The following ITPRID1 variants were observed in gnomAD, a reference collection of about 807,000 sequenced individuals.
ITPRID1 encodes the protein protein ITPRID1.
Under a neutral mutation model 95.4 loss-of-function variants are expected in ITPRID1, and 96 were observed. That is an observed-to-expected ratio of 1.01 (90% CI 0.85 to 1.19). ITPRID1 has a LOEUF of 1.19. Ranked by LOEUF, ITPRID1 falls within the 50% of genes most tolerant of loss-of-function variation. ITPRID1 has a pLI of 0.00. For synonymous variants in ITPRID1, 510 were observed against 453.6 expected (o/e 1.12, Z -1.58); for missense variants, 1,339 against 1,252.9 (o/e 1.07, Z -1.04).
intron 10 of ITPRID1, among the ~76,000 whole-genome samples, chr7:31,636,159 A>G (rs1428658553): frequency 6.6e-6 from 1 of 152,106 alleles, no homozygotes; most frequent in African/African-American, 2.4e-5. Context: ...AACCGCCCCC[A>G]TAATTCAATT....
At chr7:31,658,268 T>C (rs1197095679), downstream of ITPRID1, 74 of 1,503,038 alleles carry the variant, frequency 4.9e-5, no homozygotes, top group Admixed American at 7.8e-4. Flanking sequence ...TATTCTCTTA[T>C]AGGTGAATTA....
At chr7:31,607,332 A>T (rs1212883229) in intron 10 of ITPRID1, among the ~76,000 whole-genome samples, 1 of 152,170 alleles carries the variant, frequency 6.6e-6, no homozygotes, top group Non-Finnish European at 1.5e-5. Context: ...TTTCGCTTTG[A>T]TGCCAGACTG....
intron 10 of ITPRID1, among the ~76,000 whole-genome samples, chr7:31,588,258 G>C (rs1383004500): frequency 6.6e-6 from 1 of 152,108 alleles, no homozygotes; most frequent in African/African-American, 2.4e-5. Context: ...GAATGGCACT[G>C]GGTGAGTGTC....
chr7:31,591,489 G>A (rs973842979), intron 10 of ITPRID1, among the ~76,000 whole-genome samples: 5 of 152,200 alleles, frequency 3.3e-5, no homozygotes, highest in Admixed American at 1.3e-4. Flanking sequence ...TTAGCAAACC[G>A]AGTATTTTGA....
intron 1 of ITPRID1, among the ~76,000 whole-genome samples, chr7:31,527,460 A>G (rs906335218): frequency 2.0e-4 from 23 of 115,170 alleles, no homozygotes; most frequent in Middle Eastern, 5.7e-3. Flanking sequence ...AGATCCAAAT[A>G]GGTTATAAGA....
chr7:31,520,673 G>A (rs1039057987), intron 1 of ITPRID1, among the ~76,000 whole-genome samples: 1 of 151,924 alleles, frequency 6.6e-6, no homozygotes, highest in Non-Finnish European at 1.5e-5. Context: ...AATGGTTTTA[G>A]AAACCAAGAT....
At chr7:31,646,057 G>A (rs1790439230) in intron 12 of ITPRID1, among the ~76,000 whole-genome samples, 1 of 152,114 alleles carries the variant, frequency 6.6e-6, no homozygotes, top group African/African-American at 2.4e-5. Context: ...CTGGTTGTTG[G>A]TCTAACATAG....
intron 1 of ITPRID1, among the ~76,000 whole-genome samples, chr7:31,535,194 T>A (rs10249444): frequency 0.13 from 20,210 of 152,096 alleles, 1,810 homozygotes; most frequent in Non-Finnish European, 0.19. Context: ...GACTATAATA[T>A]TTGCCTAACT....
intron 1 of ITPRID1, among the ~76,000 whole-genome samples, chr7:31,534,587 G>T (rs570898928): frequency 1.3e-5 from 2 of 151,984 alleles, no homozygotes; most frequent in Admixed American, 6.6e-5. Context: ...GCTTTCTCAT[G>T]CTTGGTGTTT....
intron 1 of ITPRID1, among the ~76,000 whole-genome samples, chr7:31,529,275 A>G (rs1270066138): frequency 2.6e-5 from 4 of 152,196 alleles, no homozygotes; most frequent in African/African-American, 4.8e-5. Context: ...ATGGTTTGCA[A>G]TGCAAATCAT....
intron 14 of ITPRID1, 28 bp from the exon 15 acceptor site, chr7:31,652,483 GCTGTTTA>G (rs1465438927): frequency 2.6e-6 from 4 of 1,547,156 alleles, no homozygotes; most frequent in Non-Finnish European, 3.5e-6. Context: ...AATGTGATGT[GCTGTTTA>G]CTCTTTTTCC....
intron 1 of ITPRID1, among the ~76,000 whole-genome samples, chr7:31,534,242 G>A (rs1783690215): frequency 6.6e-6 from 1 of 152,186 alleles, no homozygotes; most frequent in Non-Finnish European, 1.5e-5. Flanking sequence ...CTAGGTGAAT[G>A]TCCCATGTGC....
chr7:31,521,444 C>T (rs1403945661), intron 1 of ITPRID1, among the ~76,000 whole-genome samples: 1 of 152,056 alleles, frequency 6.6e-6, no homozygotes, highest in East Asian at 1.9e-4. Context: ...TGTGTGATTT[C>T]TATTCTTGGA....
Position 31,643,803 on chromosome 7 carries a change from C to T in ITPRID1, c.2433C>T (p.His811=), listed in dbSNP as rs1403390146. 8.1e-6 allele frequency: 13 copies of T among 1,613,850 alleles called. No homozygotes were observed. Among genetic ancestry groups the T allele is most frequent in the African/African-American group, 1.3e-5 (1 of 74,946 alleles). ...IPAHCCICCH[H]HPHCHGERQS... is the part of the protein sequence containing the mutation. ...CCCACTGCTGCATCTGCTGTCATCACCACCCTCACTGCCACGGGGAGAGGC... is the reference window on the plus strand; with the variant it reads ...CCCACTGCTGCATCTGCTGTCATCATCACCCTCACTGCCACGGGGAGAGGC... Residue 811 remains histidine (H), a synonymous_variant, in exon 12 of 15, where the codon CAC becomes CAT. Transcript: ENST00000615280.
Position 31,654,295 on chromosome 7 carries a change from G to C in ITPRID1, c.*1466G>C, listed in dbSNP as rs1006512480. 6.6e-6 allele frequency among the ~76,000 whole-genome samples: 1 copy of C among 152,124 alleles called. No individual in the cohort carries two copies. Among genetic ancestry groups the C allele is most frequent in the African/African-American group, 2.4e-5 (1 of 41,436 alleles). ...AAGCAGAAGGAATGGAAAGTTAACAGGCCCCCAGATGTAGAGATAGCCAGT... is the reference window on the plus strand; with the variant it reads ...AAGCAGAAGGAATGGAAAGTTAACACGCCCCCAGATGTAGAGATAGCCAGT... On this transcript the variant is annotated 3_prime_UTR_variant, in exon 15 of 15. Transcript: ENST00000615280.
chr7:31,579,260 C>T (rs1785309640), intron 9 of ITPRID1, among the ~76,000 whole-genome samples: 3 of 152,178 alleles, frequency 2.0e-5, no homozygotes, highest in South Asian at 2.1e-4. Flanking sequence ...TGGGAGTTAA[C>T]TTGTTGTTAA....
At chr7:31,577,777 A>G in intron 8 of ITPRID1, 86 bp from the exon 9 acceptor site, 1 of 1,144,474 alleles carries the variant, frequency 8.7e-7, no homozygotes, top group Middle Eastern at 2.1e-4. Context: ...ATTTCATGTT[A>G]ACGGACCCTT....
intron 12 of ITPRID1, among the ~76,000 whole-genome samples, chr7:31,645,901 G>A (rs1219480199): frequency 3.3e-5 from 5 of 152,068 alleles, no homozygotes; most frequent in Non-Finnish European, 5.9e-5. Flanking sequence ...TCAGCTCTAA[G>A]AGAATAAACA....
At chr7:31,621,249 G>T (rs1243481212) in intron 10 of ITPRID1, among the ~76,000 whole-genome samples, 1 of 148,670 alleles carries the variant, frequency 6.7e-6, no homozygotes, top group Non-Finnish European at 1.5e-5. Flanking sequence ...TTCAGGAAAT[G>T]CAGAGAATGC....
Sources: gnomAD v4.1 joint callset for allele counts (sites outside exome capture counted in the v4.1 genomes callset) on GRCh38, gnomAD v4.1.1 for gene constraint, MANE v1.5 for transcripts, NCBI Gene and HGNC (gene_info 2026-07-23, HGNC 2026-07-21) for gene names.